Variants in OSCP1 observed in about 807,000 individuals in gnomAD.
OSCP1 encodes the protein protein OSCP1.
In OSCP1, 35 loss-of-function variants were observed where a neutral mutation model predicts 45.1. That is an observed-to-expected ratio of 0.78 (90% CI 0.59 to 1.03). The LOEUF is 1.03. Ranked by LOEUF, OSCP1 falls within the 50% of genes least tolerant of loss-of-function variation. The pLI is 0.00. For synonymous variants in OSCP1, 179 were observed against 180.1 expected (o/e 0.99, Z 0.05); for missense variants, 400 against 470.7 (o/e 0.85, Z 1.39).
rs746969642 is a variant in OSCP1, at chr1:36,447,909, G to A, written c.112+2349C>T. The A allele has an allele frequency of 1.1e-5, 5 of 452,926 alleles. No homozygotes were observed. Among genetic ancestry groups the A allele is most frequent in the African/African-American group, 4.0e-5 (2 of 49,976 alleles). The allele number at this position is 452,926 out of a possible 1,614,324, so 28.1% of individuals were successfully genotyped here. On this transcript the variant is annotated intron_variant, in intron 1 of 9. Transcript: ENST00000235532. This position sits in a 1 kb window ranked among gnomAD's most constrained non-coding sequence, Gnocchi z 4.1. ...AAATCTGTGGAATGAATGAGTGTGC[G>A]AATGTAAATTACTAAAGATGGCCGA...
At chr1:36,427,925 C>T (rs1648082395) in intron 4 of OSCP1, among the ~76,000 whole-genome samples, 2 of 151,938 alleles carry the variant, frequency 1.3e-5, no homozygotes, top group South Asian at 4.1e-4. Flanking sequence ...CTGTGGCTCG[C>T]GCCTATAATT....
chr1:36,428,448 C>T, intron 4 of OSCP1: 1 of 1,613,812 alleles, frequency 6.2e-7, no homozygotes, highest in Non-Finnish European at 8.5e-7. Context: ...TGAACAGTTT[C>T]TTGCATATGC....
In OSCP1 at chr1:36,432,576, A is replaced by C; in HGVS notation, c.281T>G (p.Met94Arg). ...TACTTGATATTTGAAAGCCATGGTC[A>C]TCAGGTCATAGAGCTGCCAACCCAC... ...QASMDKLYDL[M>R]TMAFKYQVLL... The change falls in exon 3 of 10, where the codon ATG becomes AGG. Residue 94 changes from methionine to arginine, a missense_variant. Transcript: ENST00000235532. 6.2e-7 allele frequency: 1 copy of C among 1,614,230 alleles called. No homozygotes were observed. Among genetic ancestry groups the C allele is most frequent in the Non-Finnish European group, 8.5e-7 (1 of 1,180,048 alleles).
chr1:36,418,932 A>C, intron 9 of OSCP1, 59 bp downstream of exon 9: 1 of 1,426,260 alleles, frequency 7.0e-7, no homozygotes, highest in Non-Finnish European at 9.8e-7. Flanking sequence ...GTCTCAAGAA[A>C]AAAAAAAAAA....
In OSCP1 at chr1:36,418,645, G is replaced by A. The variant is rs529398590; in HGVS notation, c.1023+346C>T. 210 of 333,916 alleles carry A rather than the reference G, an allele frequency of 6.3e-4. 5 individuals carry two copies. In the South Asian group the frequency reaches 9.2e-3, roughly 15 times the overall value. 20.7% of individuals were successfully genotyped at this position (333,916 alleles called of 1,614,324 possible). Reference sequence around the variant, plus strand: ...GAAAGGAGGAAGGGAGGCTGGGTACGGTGGCTCACCTTTGTAATCCCAGCA... The same window carrying A: ...GAAAGGAGGAAGGGAGGCTGGGTACAGTGGCTCACCTTTGTAATCCCAGCA... On this transcript the variant is annotated intron_variant, in intron 9 of 9. Transcript: ENST00000235532.
At chr1:36,423,544 T>C in intron 4 of OSCP1, 78 bp from the exon 5 acceptor site, 1 of 1,188,524 alleles carries the variant, frequency 8.4e-7, no homozygotes, top group Non-Finnish European at 1.2e-6. Context: ...GGAAAGTGCG[T>C]AATGGTTTGG....
In OSCP1 at chr1:36,427,299, C is replaced by CTTTTTTTTTTTTT. The variant is rs71053929; in HGVS notation, c.517-3846_517-3834dup. On this transcript the variant is annotated intron_variant, in intron 4 of 9. Transcript: ENST00000235532. ...ACAGGCGTGAGCCATGGCGCCTGGCCTTTTTTTTTTTTTTTGACACAGAGT... is the reference window on the plus strand; with the variant it reads ...ACAGGCGTGAGCCATGGCGCCTGGCCTTTTTTTTTTTTTTTTTTTTTTTTTTTTGACACAGAGT... 2.7e-3 allele frequency among the ~76,000 whole-genome samples: 263 copies of CTTTTTTTTTTTTT among 96,222 alleles called. 20 individuals carry two copies. Among genetic ancestry groups the CTTTTTTTTTTTTT allele is most frequent in the Non-Finnish European group, 3.3e-3 (173 of 52,716 alleles). 63.1% of individuals were successfully genotyped at this position (96,222 alleles called of 152,430 possible). A position where few individuals can be genotyped will look rare whatever the true frequency, so the allele number is the denominator to read the frequency against.
rs1649614384 is a variant in OSCP1, at chr1:36,447,431, C to A, written c.112+2827G>T. Among the ~76,000 whole-genome samples the A allele has an allele frequency of 1.3e-5, 2 of 152,200 alleles. No individual in the cohort carries two copies. The highest frequency in any genetic ancestry group is 2.1e-4 in the South Asian group (1 of 4,832). ...TTCTGATATAGTCCCCAAGGTATGG[C>A]AGCAGAGTATAGTGGTTATAGTAAG... On this transcript the variant is annotated intron_variant, in intron 1 of 9. Transcript: ENST00000235532. The surrounding 1 kb of genome is among the most constrained non-coding windows in gnomAD (Gnocchi z 4.1).
At chr1:36,437,287 A>T (rs1648809525) in intron 2 of OSCP1, among the ~76,000 whole-genome samples, 1 of 151,212 alleles carries the variant, frequency 6.6e-6, no homozygotes, top group Admixed American at 6.6e-5. Context: ...TATTATTATT[A>T]TCATTATTAT....
chr1:36,420,520 C>T lies in OSCP1; in HGVS notation c.915G>A (p.Glu305=), dbSNP rs1279096715. The part of the protein sequence containing the change: ...GMEIKKPSGP[E]PGFRLNLFTT... ...TAAAGAGATTCAACCGGAATCCGGG[C>T]TCAGGGCCACTGGGTTTCTTAATCT... The change falls in exon 8 of 10, where the codon GAG becomes GAA. Residue 305 remains glutamate, a synonymous_variant. Transcript: ENST00000235532. 2 of 1,614,128 alleles carry T rather than the reference C, an allele frequency of 1.2e-6. No homozygotes were observed. The highest frequency in any genetic ancestry group is 1.7e-6 in the Non-Finnish European group (2 of 1,180,034).
chr1:36,445,702 CATTT>C (rs139675900), intron 1 of OSCP1, among the ~76,000 whole-genome samples: 9 of 151,992 alleles, frequency 5.9e-5, no homozygotes, highest in East Asian at 1.9e-4. Context: ...CTTTCTGTGG[CATTT>C]ATTTATTTAT....
chr1:36,423,852 C>T (rs1459901353), intron 4 of OSCP1, among the ~76,000 whole-genome samples: 2 of 149,620 alleles, frequency 1.3e-5, no homozygotes, highest in African/African-American at 2.5e-5. Context: ...CCAGCCTGGG[C>T]GACAGAGTAA....
chr1:36,436,104 ATT>A (rs780346891), intron 2 of OSCP1, among the ~76,000 whole-genome samples: 13 of 113,850 alleles, frequency 1.1e-4, no homozygotes, highest in Non-Finnish European at 1.3e-4. Context: ...CTCTCTCTCT[ATT>A]TTTTTTTTTT....
At chr1:36,430,260 C>T (rs1648272273) in intron 4 of OSCP1, among the ~76,000 whole-genome samples, 1 of 152,112 alleles carries the variant, frequency 6.6e-6, no homozygotes, top group South Asian at 2.1e-4. Context: ...AGGCTGGTCT[C>T]AAACTCCTGG....
intron 4 of OSCP1, chr1:36,428,501 T>C (rs775112846): frequency 1.9e-6 from 3 of 1,591,866 alleles, no homozygotes; most frequent in Non-Finnish European, 8.5e-7. Flanking sequence ...CAAATACATA[T>C]ATGTTACATA....
At chr1:36,444,334 C>T (rs1649375596) in intron 1 of OSCP1, among the ~76,000 whole-genome samples, 4 of 152,172 alleles carry the variant, frequency 2.6e-5, no homozygotes, top group Admixed American at 2.0e-4. Context: ...CAAGAAGCCC[C>T]GCTCTCTAAT....
At chr1:36,424,910 C>A (rs1397815241) in intron 4 of OSCP1, among the ~76,000 whole-genome samples, 7 of 152,056 alleles carry the variant, frequency 4.6e-5, no homozygotes, top group Admixed American at 1.3e-4. Flanking sequence ...TGGTGGCTTA[C>A]GCCTGTAATC....
At chr1:36,422,931 C>T in intron 5 of OSCP1, 35 bp from the exon 6 acceptor site, 6 of 1,543,358 alleles carry the variant, frequency 3.9e-6, no homozygotes, top group Non-Finnish European at 5.3e-6. Flanking sequence ...GGAATGTTCT[C>T]CAAGCTTAGG....
intron 1 of OSCP1, chr1:36,440,990 A>C (rs1035368888): frequency 1.3e-5 from 2 of 152,236 alleles, no homozygotes; most frequent in African/African-American, 2.4e-5. Flanking sequence ...CAGATAAATC[A>C]GTTCTGGACG....
Sources: gnomAD v4.1 joint callset for allele counts (sites outside exome capture counted in the v4.1 genomes callset) on GRCh38, gnomAD v4.1.1 for gene constraint, Gnocchi (gnomAD v3.1) non-coding constraint, MANE v1.5 for transcripts, NCBI Gene and HGNC (gene_info 2026-07-23, HGNC 2026-07-21) for gene names.